The following MKRN1 variants were observed in gnomAD, a reference collection of about 807,000 sequenced individuals.
The protein encoded by MKRN1 is E3 ubiquitin-protein ligase makorin-1.
MKRN1 carries 9 observed loss-of-function variants against 55.5 expected under a neutral mutation model. The observed-to-expected ratio is 0.16, with a 90% CI of 0.10 to 0.28. The LOEUF is 0.28. Among genes scored for constraint, MKRN1 ranks in the 10% least tolerant of loss-of-function variants. MKRN1 has a pLI of 1.00. For missense variants in MKRN1, 488 were observed against 626.7 expected, an observed-to-expected ratio of 0.78 and a Z score of 2.36; for synonymous variants, 253 against 235.9, an observed-to-expected ratio of 1.07 and a Z score of -0.66.
chr7:140,460,228 C>CA (rs1794579874), intron 2 of MKRN1: 1 of 149,646 alleles, frequency 6.7e-6, no homozygotes, highest in African/African-American at 3.3e-5. Context: ...GCCTGGGCGA[C>CA]AGAGTGAGAC....
At chr7:140,468,701 C>CAAAAAAA (rs528725182) in intron 2 of MKRN1, among the ~76,000 whole-genome samples, 1,585 of 32,112 alleles carry the variant, frequency 0.049, 271 homozygotes, top group African/African-American at 0.098. Flanking sequence ...CTCTGTCTCA[C>CAAAAAAA]AAAAAAAAAA....
At chr7:140,467,323 C>A (rs1794802591) in intron 2 of MKRN1, among the ~76,000 whole-genome samples, 1 of 152,072 alleles carries the variant, frequency 6.6e-6, no homozygotes, top group Non-Finnish European at 1.5e-5. Context: ...TTTGCCCAGG[C>A]TGGAGTACAG....
chr7:140,479,109 T>C, intron 1 of MKRN1, 51 bp downstream of exon 1: 1 of 1,284,758 alleles, frequency 7.8e-7, no homozygotes, highest in East Asian at 3.2e-5. Flanking sequence ...GCCGCAGGCT[T>C]GGCCCGCGGC....
rs779421929 is a variant in MKRN1 at position 140,471,179 on chromosome 7, T to G, written c.314+704A>C. Among the ~76,000 whole-genome samples, 30 of 152,070 alleles carry G rather than the reference T, an allele frequency of 2.0e-4. 1 individual carries two copies. Among genetic ancestry groups the G allele is most frequent in the Non-Finnish European group, 3.5e-4 (24 of 68,006 alleles). On this transcript the variant is annotated intron_variant, in intron 2 of 7. Transcript: ENST00000255977. The stretch of plus-strand genomic sequence containing the variant: ...CAGGAAGATTGCTTGAGCCCAGGAA[T>G]CTGAGACCAGCCTACGCAACATATT...
intron 2 of MKRN1, among the ~76,000 whole-genome samples, chr7:140,468,443 G>A (rs969552370): frequency 6.8e-6 from 1 of 146,892 alleles, no homozygotes; most frequent in African/African-American, 2.5e-5. Context: ...GCTCACGCCT[G>A]TAATCCCAGC....
chr7:140,456,455 T>C (rs1794468665), intron 5 of MKRN1, 197 bp downstream of exon 5: 1 of 1,414,208 alleles, frequency 7.1e-7, no homozygotes, highest in Admixed American at 2.9e-5. Context: ...CAGGGTTTCC[T>C]CATTCAAATA....
At chr7:140,477,443 C>G (rs1026026169) in intron 1 of MKRN1, among the ~76,000 whole-genome samples, 12 of 152,140 alleles carry the variant, frequency 7.9e-5, no homozygotes, top group Non-Finnish European at 1.3e-4. Flanking sequence ...GCCTCAGCCT[C>G]CGGAGTAGCT....
chr7:140,463,354 G>A (rs191438817), intron 2 of MKRN1, among the ~76,000 whole-genome samples: 318 of 152,232 alleles, frequency 2.1e-3, no homozygotes, highest in African/African-American at 6.9e-3. Flanking sequence ...GGTCTAATGG[G>A]ACTCTAAAGC....
intron 1 of MKRN1, among the ~76,000 whole-genome samples, chr7:140,474,031 AAG>A (rs1795034696): frequency 1.4e-5 from 1 of 71,158 alleles, no homozygotes; most frequent in South Asian, 3.6e-4. Flanking sequence ...GAAAGAAAGA[AAG>A]AAAGAAAGAA....
intron 1 of MKRN1, among the ~76,000 whole-genome samples, chr7:140,474,007 AAG>A (rs1440160212): frequency 4.6e-5 from 1 of 21,754 alleles, no homozygotes; most frequent in African/African-American, 4.1e-4. Flanking sequence ...AAAAAAAAAA[AAG>A]AAAGAAAGAA....
At position 140,456,591 on chromosome 7, in the gene MKRN1, C is replaced by G. The variant is rs981745871; in HGVS notation, c.986+61G>C. Reference sequence around the variant, plus strand: ...CGGTCCATCTGGTTGAAAGTTGGCACAAGTTACTAAATTCTTCCCCAAAAG... The same window carrying G: ...CGGTCCATCTGGTTGAAAGTTGGCAGAAGTTACTAAATTCTTCCCCAAAAG... On this transcript the variant is annotated intron_variant, in intron 5 of 7. Transcript: ENST00000255977. 4 of 1,586,868 alleles carry G rather than the reference C, an allele frequency of 2.5e-6. No individual in the cohort carries two copies. The African/African-American group carries it at 5.4e-5, about 21-fold the overall frequency.
chr7:140,459,589 T>C (rs80206917), intron 3 of MKRN1, 118 bp downstream of exon 3: 262,387 of 961,444 alleles, frequency 0.27, 38,414 homozygotes, highest in Non-Finnish European at 0.3. Flanking sequence ...TAAAGTACTG[T>C]ACTAAGATTA....
chr7:140,472,852 C>CCA (rs1370976905), intron 1 of MKRN1, among the ~76,000 whole-genome samples: 1 of 151,344 alleles, frequency 6.6e-6, no homozygotes, highest in East Asian at 2.0e-4. Context: ...GCGTGGTGGC[C>CCA]CACACCTGTA....
chr7:140,479,061 G>A (rs1795210428), intron 1 of MKRN1, 99 bp downstream of exon 1: 7 of 1,216,640 alleles, frequency 5.8e-6, no homozygotes, highest in Non-Finnish European at 7.2e-6. Context: ...GCCCTCCCGC[G>A]CCTCTAGCCG....
chr7:140,456,853 G>A lies in MKRN1; in HGVS notation c.785C>T (p.Ala262Val). 1.2e-6 allele frequency: 2 copies of A among 1,613,726 alleles called. No homozygotes were observed. Among genetic ancestry groups the A allele is most frequent in the Non-Finnish European group, 1.7e-6 (2 of 1,179,804 alleles). ...RSQHIKSCIE[A>V]HEKDMELSFA... ...TGAGAGCTCCATGTCCTTCTCATGG[G>A]CCTCAATGCACGACTAGAGAAGGTG... The change falls in exon 5 of 8, where the codon GCC becomes GTC. Residue 262 changes from alanine to valine, a missense_variant. Ala to Val is a moderately conservative substitution (Grantham distance 64). Coordinates refer to ENST00000255977, the MANE Select transcript of MKRN1 (RefSeq NM_013446.4).
At chr7:140,460,394 C>G (rs1318728250) in intron 2 of MKRN1, among the ~76,000 whole-genome samples, 2 of 146,336 alleles carry the variant, frequency 1.4e-5, no homozygotes, top group Non-Finnish European at 3.0e-5. Context: ...ACTGCAAACT[C>G]TGCCTCCTGG....
At chr7:140,476,047 G>C (rs187977189) in intron 1 of MKRN1, among the ~76,000 whole-genome samples, 1 of 152,100 alleles carries the variant, frequency 6.6e-6, no homozygotes, top group Non-Finnish European at 1.5e-5. Context: ...AGGTGATTCC[G>C]AGCAATTAAA....
intron 2 of MKRN1, among the ~76,000 whole-genome samples, chr7:140,466,155 C>G (rs1585480466): frequency 6.6e-6 from 1 of 152,146 alleles, no homozygotes; most frequent in Admixed American, 6.6e-5. Flanking sequence ...ATAGAGCAAG[C>G]CTCTCTTTAA....
intron 5 of MKRN1, 142 bp downstream of exon 5, chr7:140,456,507 AAAG>A: frequency 4.1e-6 from 6 of 1,448,884 alleles, no homozygotes; most frequent in East Asian, 5.0e-5. Context: ...GCTGAAATAC[AAAG>A]AAGAAATCCC....
Sources: allele counts gnomAD v4.1 joint callset (sites outside exome capture counted in the v4.1 genomes callset), GRCh38; gene constraint gnomAD v4.1.1; transcripts MANE v1.5; gene names NCBI Gene and HGNC (gene_info 2026-07-23, HGNC 2026-07-21).